Variants in TSHZ3 observed in about 807,000 individuals in gnomAD.
TSHZ3 encodes the protein teashirt homolog 3.
Under a neutral mutation model 64.5 loss-of-function variants are expected in TSHZ3, and 10 were observed. The observed-to-expected ratio is 0.16, with a 90% CI of 0.10 to 0.26. TSHZ3 has a LOEUF of 0.26. Ranked by LOEUF, TSHZ3 falls within the 10% of genes least tolerant of loss-of-function variation. The pLI, the probability that TSHZ3 is intolerant of heterozygous loss-of-function variation, is 1.00. For synonymous variants in TSHZ3, 608 were observed against 593.1 expected (o/e 1.03, Z -0.36); for missense variants, 1,242 against 1,421.7 (o/e 0.87, Z 2.03).
intron 4 of TSHZ3, among the ~76,000 whole-genome samples, chr19:31,208,411 C>A (rs1038257314): frequency 2.6e-5 from 4 of 152,176 alleles, no homozygotes; most frequent in African/African-American, 9.7e-5. Context: ...TTATCACACG[C>A]CTGTCTGTTG....
rs543579952 is a variant in TSHZ3, at chr19:31,237,737, T to C, written n.550+4532A>G. 3.0e-4 allele frequency among the ~76,000 whole-genome samples: 46 copies of C among 152,324 alleles called. No homozygotes were observed. In the South Asian group the frequency reaches 7.7e-3, roughly 25 times the overall value. On this transcript the variant is annotated intron_variant and non_coding_transcript_variant, in intron 3 of 6. Coordinates refer to the TSHZ3 transcript ENST00000651361. Reference sequence around the variant, plus strand: ...TTTCTAAAATAGATATTGCAAGCTATACATTCTTTTCGAAGTATTGCTTTA... The same window carrying C: ...TTTCTAAAATAGATATTGCAAGCTACACATTCTTTTCGAAGTATTGCTTTA...
At chr19:31,343,076 G>A (rs1210767454) in intron 1 of TSHZ3, among the ~76,000 whole-genome samples, 4 of 152,106 alleles carry the variant, frequency 2.6e-5, no homozygotes, top group Non-Finnish European at 4.4e-5. Context: ...TTCTCTTAGC[G>A]AGGTGACCAG....
chr19:31,182,248 A>G (rs777398228), intron 5 of TSHZ3, among the ~76,000 whole-genome samples: 1 of 152,174 alleles, frequency 6.6e-6, no homozygotes, highest in African/African-American at 2.4e-5. Context: ...CCAAATAAAC[A>G]TTTCTGTACC....
exon 3 of TSHZ3, among the ~76,000 whole-genome samples, chr19:31,242,511 C>T (rs971582922): frequency 4.6e-5 from 7 of 151,830 alleles, no homozygotes; most frequent in Non-Finnish European, 7.4e-5. Flanking sequence ...ATGGGTGCCT[C>T]GGTTCTACGT....
At chr19:31,312,254 G>C (rs1367836303) in intron 1 of TSHZ3, among the ~76,000 whole-genome samples, 3 of 152,246 alleles carry the variant, frequency 2.0e-5, no homozygotes, top group Non-Finnish European at 1.5e-5. Flanking sequence ...TGCTGGCTTA[G>C]GTCAGAGAAA....
chr19:31,291,235 C>T (rs1444716225), intron 1 of TSHZ3, among the ~76,000 whole-genome samples: 2 of 152,202 alleles, frequency 1.3e-5, no homozygotes, highest in Admixed American at 6.5e-5. Context: ...GTTCCTCCAG[C>T]GGTGATGGGA....
intron 1 of TSHZ3, among the ~76,000 whole-genome samples, chr19:31,323,863 AACACACACACACACACACACAC>A (rs58051976): frequency 0.011 from 1,351 of 122,328 alleles, 9 homozygotes; most frequent in South Asian, 0.059. Context: ...CCTGGCCTCC[AACACACACACACACACACACAC>A]ACACACACAC....
intron 5 of TSHZ3, among the ~76,000 whole-genome samples, chr19:31,173,277 C>T (rs1974562512): frequency 1.3e-5 from 2 of 152,238 alleles, no homozygotes; most frequent in South Asian, 4.2e-4. Flanking sequence ...CTGAGAGATA[C>T]AGAGGAGACA....
chr19:31,207,716 C>G (rs953589948), intron 4 of TSHZ3: 2 of 152,114 alleles, frequency 1.3e-5, no homozygotes, highest in African/African-American at 4.8e-5. Context: ...ACAAAGTTCC[C>G]AAGAAAGAAT....
intron 1 of TSHZ3, among the ~76,000 whole-genome samples, chr19:31,285,781 C>CAA (rs3030263): frequency 0.071 from 3,206 of 44,948 alleles, 438 homozygotes; most frequent in Middle Eastern, 0.16. Flanking sequence ...GCCACTGTCT[C>CAA]AAAAAAAAAA....
chr19:31,274,357 C>T (rs1976188458), downstream of TSHZ3, among the ~76,000 whole-genome samples: 1 of 152,150 alleles, frequency 6.6e-6, no homozygotes, highest in Non-Finnish European at 1.5e-5. Flanking sequence ...TGCTCTCCCC[C>T]TCCTCCCATG....
At chr19:31,317,201 C>CCCCCAG (rs1916627691) in intron 1 of TSHZ3, among the ~76,000 whole-genome samples, 1 of 152,088 alleles carries the variant, frequency 6.6e-6, no homozygotes, top group African/African-American at 2.4e-5. Context: ...TCTGGGCATG[C>CCCCCAG]CCCCAGCCCC....
At chr19:31,348,502 T>G (rs2021585563) in intron 1 of TSHZ3, among the ~76,000 whole-genome samples, 1 of 144,392 alleles carries the variant, frequency 6.9e-6, no homozygotes, top group African/African-American at 2.6e-5. Context: ...AAAAAAGTAC[T>G]CAGACACGTC....
At chr19:31,170,911 T>G (rs562541314) in intron 5 of TSHZ3, among the ~76,000 whole-genome samples, 1 of 152,352 alleles carries the variant, frequency 6.6e-6, no homozygotes, top group South Asian at 2.1e-4. Context: ...GAGGCTAAAG[T>G]TATTGAATAT....
At chr19:31,283,487 G>T (rs1335873972) in intron 1 of TSHZ3, among the ~76,000 whole-genome samples, 1 of 152,182 alleles carries the variant, frequency 6.6e-6, no homozygotes, top group Non-Finnish European at 1.5e-5. Context: ...GGGAACTAAG[G>T]GATGAAAGGC....
At chr19:31,318,247 T>C (rs1916661469) in intron 1 of TSHZ3, among the ~76,000 whole-genome samples, 2 of 152,258 alleles carry the variant, frequency 1.3e-5, no homozygotes. Flanking sequence ...ATTATAAATC[T>C]GTTTTATGTC....
intron 5 of TSHZ3, among the ~76,000 whole-genome samples, chr19:31,171,083 G>A (rs1382714017): frequency 6.6e-6 from 1 of 152,028 alleles, no homozygotes; most frequent in East Asian, 1.9e-4. Flanking sequence ...ACACTTGGTG[G>A]GAAAAATGGT....
At chr19:31,333,954 G>A (rs533750233) in intron 1 of TSHZ3, among the ~76,000 whole-genome samples, 4 of 152,164 alleles carry the variant, frequency 2.6e-5, no homozygotes, top group Admixed American at 6.5e-5. Context: ...GAGCGTGTAC[G>A]TGTGTTTCCA....
chr19:31,270,657 G>C (rs578061430), downstream of TSHZ3, among the ~76,000 whole-genome samples: 4 of 152,278 alleles, frequency 2.6e-5, no homozygotes, highest in Admixed American at 2.6e-4. Flanking sequence ...CTCTGTGCCT[G>C]CTGTCCAAAG....
Sources: allele counts gnomAD v4.1 joint callset (sites outside exome capture counted in the v4.1 genomes callset), GRCh38; gene constraint gnomAD v4.1.1; transcripts MANE v1.5; gene names NCBI Gene and HGNC (gene_info 2026-07-23, HGNC 2026-07-21).